Variants in KCNQ1 observed in about 807,000 individuals in gnomAD.
KCNQ1 encodes potassium voltage-gated channel subfamily Q member 1, also known as potassium voltage-gated channel subfamily KQT member 1.
In KCNQ1, 49 loss-of-function variants were observed where a neutral mutation model predicts 72.4. The ratio of observed to expected loss-of-function variants is 0.68; its 90% confidence interval spans 0.54 to 0.86. KCNQ1 has a LOEUF of 0.86. Among genes scored for constraint, KCNQ1 ranks in the 40% least tolerant of loss-of-function variants. The pLI, the probability that KCNQ1 is intolerant of heterozygous loss-of-function variation, is 0.00. For missense variants in KCNQ1, 790 were observed against 945.1 expected (o/e 0.84, Z 2.15); for synonymous variants, 450 against 412.6 (o/e 1.09, Z -1.10).
intron 2 of KCNQ1, among the ~76,000 whole-genome samples, chr11:2,561,130 G>C (rs1229157968): frequency 2.0e-5 from 3 of 151,180 alleles, no homozygotes; most frequent in African/African-American, 7.3e-5. Flanking sequence ...TGAACCCCAG[G>C]GGGTGGAGCC....
chr11:2,601,463 A>G lies in KCNQ1; in HGVS notation c.1393+12609A>G, dbSNP rs1848805929. Among the ~76,000 whole-genome samples the G allele has an allele frequency of 6.6e-6, 1 of 152,224 alleles. No individual in the cohort carries two copies. Among genetic ancestry groups the G allele is most frequent in the Non-Finnish European group, 1.5e-5 (1 of 68,038 alleles). ...GTTTCCGTCAGTGGTAGCATCTTCT[A>G]AAACCATAGCACAATATGATAACCA... On this transcript the variant is annotated intron_variant, in intron 10 of 15. Coordinates refer to ENST00000155840, the MANE Select transcript of KCNQ1 (RefSeq NM_000218.3). This position sits in a 1 kb window ranked among gnomAD's most constrained non-coding sequence, Gnocchi z 5.2.
At chr11:2,619,675 C>T (rs1399193196) in intron 10 of KCNQ1, 2 of 396,306 alleles carry the variant, frequency 5.0e-6, no homozygotes, top group Non-Finnish European at 4.4e-6. Flanking sequence ...TGATGCTGGC[C>T]TCATAAAATG....
rs539856873 is a variant in KCNQ1, at chr11:2,606,392, C to T, written c.1393+17538C>T. ...TGGTGGGGGGTGTCTGGATCATGGA[C>T]GGAGCCCTCGTGAATGGCTTGGTAC... On this transcript the variant is annotated intron_variant, in intron 10 of 15. Transcript: ENST00000155840. Among the ~76,000 whole-genome samples the T allele has an allele frequency of 3.3e-5, 5 of 152,208 alleles. No individual in the cohort carries two copies. In the East Asian group the frequency reaches 9.6e-4, roughly 29 times the overall value.
chr11:2,632,804 C>G (rs1849382812), intron 10 of KCNQ1: 1 of 398,286 alleles, frequency 2.5e-6, no homozygotes, highest in African/African-American at 2.1e-5. Flanking sequence ...ATACCACATT[C>G]TTTCTCTGCA....
At position 2,678,831 on chromosome 11, in the gene KCNQ1, A is replaced by G. The variant is rs1850338076; in HGVS notation, c.1514+16750A>G. 1.0e-5 allele frequency: 4 copies of G among 398,636 alleles called. No homozygotes were observed. Among genetic ancestry groups the G allele is most frequent in the Non-Finnish European group, 8.8e-6 (2 of 226,082 alleles). The allele number at this position is 398,636 out of a possible 1,614,324, so 24.7% of individuals were successfully genotyped here. On this transcript the variant is annotated intron_variant, in intron 11 of 15. Coordinates refer to ENST00000155840, the MANE Select transcript of KCNQ1 (RefSeq NM_000218.3). The surrounding 1 kb of genome is among the most constrained non-coding windows in gnomAD (Gnocchi z 4.9). ...CTTGTTTCTTCCAAGGCTCACTTCAAGGAAGGCAGAATCCAGGTCGGGGGT... is the reference window on the plus strand; with the variant it reads ...CTTGTTTCTTCCAAGGCTCACTTCAGGGAAGGCAGAATCCAGGTCGGGGGT...
In KCNQ1 at chr11:2,778,043, C is replaced by T. The variant is rs1481251308; in HGVS notation, c.1794+6C>T. The T allele has an allele frequency of 1.9e-6, 3 of 1,613,244 alleles. No individual in the cohort carries two copies. The highest frequency in any genetic ancestry group is 2.5e-6 in the Non-Finnish European group (3 of 1,179,938). ...TGAACCGAGTAGAAGACAAGGTAGG[C>T]TCACGCGCCGGCCTGCGGTGGTTCT... On this transcript the variant is annotated splice_donor_region_variant and intron_variant, in intron 15 of 15. Transcript: ENST00000155840.
rs531524815 is a variant in KCNQ1, at chr11:2,673,221, T to TA, written c.1514+11140_1514+11141insA. ...CCGAACTGTGACTAGGCAAGCTGAG[T>TA]CCCCTGTAGATTCTGGGGACTGGGT... On this transcript the variant is annotated intron_variant, in intron 11 of 15. Transcript: ENST00000155840. The surrounding 1 kb of genome is among the most constrained non-coding windows in gnomAD (Gnocchi z 4.5). 2.7e-4 allele frequency: 109 copies of TA among 398,576 alleles called. No individual in the cohort carries two copies. The highest frequency in any genetic ancestry group is 2.1e-3 in the African/African-American group (102 of 48,716). 24.7% of individuals were successfully genotyped at this position (398,576 alleles called of 1,614,324 possible).
In KCNQ1 at chr11:2,537,516, G is replaced by T. The variant is rs2133670359; in HGVS notation, c.477+9498G>T. On this transcript the variant is annotated intron_variant, in intron 2 of 15. Transcript: ENST00000155840. This position sits in a 1 kb window ranked among gnomAD's most constrained non-coding sequence, Gnocchi z 5.2. The stretch of plus-strand genomic sequence containing the variant: ...TTTCTACAGTGCCCAGGTTGGCGCA[G>T]GGCCTTTTGGTTCCACAGTCTGTGT... Among the ~76,000 whole-genome samples the T allele has an allele frequency of 6.6e-6, 1 of 152,188 alleles. No individual in the cohort carries two copies. The highest frequency in any genetic ancestry group is 6.5e-5 in the Admixed American group (1 of 15,304).
At chr11:2,552,762 G>A (rs1055735363) in intron 2 of KCNQ1, among the ~76,000 whole-genome samples, 2 of 147,380 alleles carry the variant, frequency 1.4e-5, no homozygotes, top group Non-Finnish European at 3.0e-5. Context: ...ACACGGTCTC[G>A]CTCCCCAGTG....
At chr11:2,835,347 A>C (rs1848037821) in intron 15 of KCNQ1, among the ~76,000 whole-genome samples, 1 of 152,058 alleles carries the variant, frequency 6.6e-6, no homozygotes, top group Non-Finnish European at 1.5e-5. Flanking sequence ...CCTCACACCC[A>C]GCACAGAACC....
chr11:2,843,143 TA>T (rs901248856), intron 15 of KCNQ1, among the ~76,000 whole-genome samples: 6 of 152,252 alleles, frequency 3.9e-5, no homozygotes, highest in African/African-American at 1.2e-4. Context: ...GGCCTGGCGG[TA>T]AAACCTCAGC....
intron 11 of KCNQ1, among the ~76,000 whole-genome samples, chr11:2,709,394 G>T (rs1303713222): frequency 2.0e-5 from 3 of 151,300 alleles, no homozygotes; most frequent in African/African-American, 7.3e-5. Context: ...CTCGGTGTCT[G>T]CTCTGGTGCT....
Position 2,670,735 on chromosome 11 carries a change from A to C in KCNQ1, c.1514+8654A>C. ...TGGAGCAGGAGGGAACAGTCTGCAGATATTATCTGGGCACTGGCCAGTGGC... is the reference window on the plus strand; with the variant it reads ...TGGAGCAGGAGGGAACAGTCTGCAGCTATTATCTGGGCACTGGCCAGTGGC... On this transcript the variant is annotated intron_variant, in intron 11 of 15. Transcript: ENST00000155840. The surrounding 1 kb of genome is among the most constrained non-coding windows in gnomAD (Gnocchi z 4.9). 1 of 398,578 alleles carries C rather than the reference A, an allele frequency of 2.5e-6. No individual in the cohort carries two copies. Among genetic ancestry groups the C allele is most frequent in the Non-Finnish European group, 4.4e-6 (1 of 226,072 alleles). 24.7% of individuals were successfully genotyped at this position (398,578 alleles called of 1,614,324 possible).
rs543948794 is a variant in KCNQ1, at chr11:2,618,037, G to A, written c.1393+29183G>A. ...TTCCTGTGCAGAAGTTTTTTAGTTT[G>A]ATGGTATACCAATTATTTGTTTTTG... On this transcript the variant is annotated intron_variant, in intron 10 of 15. Coordinates refer to ENST00000155840, the MANE Select transcript of KCNQ1 (RefSeq NM_000218.3). 2.3e-5 allele frequency: 9 copies of A among 398,438 alleles called. No individual in the cohort carries two copies. In the East Asian group the frequency reaches 3.2e-4, roughly 14 times the overall value. 24.7% of individuals were successfully genotyped at this position (398,438 alleles called of 1,614,324 possible). A position where few individuals can be genotyped will look rare whatever the true frequency, so the allele number is the denominator to read the frequency against.
intron 11 of KCNQ1, chr11:2,697,444 G>T (rs532151517): frequency 2.5e-6 from 1 of 398,520 alleles, no homozygotes; most frequent in African/African-American, 2.1e-5. Flanking sequence ...ATCTTAAAGA[G>T]AATGATACAC....
At position 2,497,647 on chromosome 11, in the gene KCNQ1, C is replaced by T. The variant is rs1422743302; in HGVS notation, c.387-30281C>T. 1.3e-5 allele frequency among the ~76,000 whole-genome samples: 2 copies of T among 152,168 alleles called. No individual in the cohort carries two copies. The highest frequency in any genetic ancestry group is 2.9e-5 in the Non-Finnish European group (2 of 68,028). On this transcript the variant is annotated intron_variant, in intron 1 of 15. Coordinates refer to ENST00000155840, the MANE Select transcript of KCNQ1 (RefSeq NM_000218.3). The surrounding 1 kb of genome is among the most constrained non-coding windows in gnomAD (Gnocchi z 4.5). ...GCTCAGAGGAATTTGTTATTACCCACCTTCTGAAGCCTACTTCTGTCAATT... is the reference window on the plus strand; with the variant it reads ...GCTCAGAGGAATTTGTTATTACCCATCTTCTGAAGCCTACTTCTGTCAATT...
intron 2 of KCNQ1, 29 bp from the exon 3 acceptor site, chr11:2,570,599 G>T (rs762645246): frequency 6.2e-7 from 1 of 1,610,364 alleles, no homozygotes; most frequent in Admixed American, 1.7e-5. Context: ...GAGCCTGCCT[G>T]CAGTGAGCGT....
intron 11 of KCNQ1, chr11:2,665,691 GAGA>G (rs1322510044): frequency 2.5e-6 from 1 of 398,052 alleles, no homozygotes; most frequent in Non-Finnish European, 4.4e-6. Context: ...TGCCAGGAGG[GAGA>G]AGGGCATGTA....
intron 11 of KCNQ1, among the ~76,000 whole-genome samples, chr11:2,756,568 G>A (rs1358503155): frequency 2.0e-5 from 3 of 152,094 alleles, no homozygotes; most frequent in Non-Finnish European, 4.4e-5. Context: ...GGGGAGACAA[G>A]GATACAGTTG....
Sources: gnomAD v4.1 joint callset for allele counts (sites outside exome capture counted in the v4.1 genomes callset) on GRCh38, gnomAD v4.1.1 for gene constraint, Gnocchi (gnomAD v3.1) non-coding constraint, MANE v1.5 for transcripts, NCBI Gene and HGNC (gene_info 2026-07-23, HGNC 2026-07-21) for gene names.